Variants in PLEKHA5 observed in about 807,000 individuals in gnomAD.
PLEKHA5 encodes pleckstrin homology domain containing A5.
A neutral mutation model predicts 181.9 loss-of-function variants in PLEKHA5; 55 were observed. That is an observed-to-expected ratio of 0.30 (90% CI 0.24 to 0.38). The LOEUF (loss-of-function observed/expected upper bound fraction) is 0.38. Ranked by LOEUF, PLEKHA5 falls within the 10% of genes least tolerant of loss-of-function variation. The probability of loss-of-function intolerance (pLI) is 1.00; values close to 1 mark genes in which losing one functional copy is unlikely to be tolerated. For missense variants in PLEKHA5, 1,432 were observed against 1,549.5 expected, an observed-to-expected ratio of 0.92 and a Z score of 1.27; for synonymous variants, 535 against 529.4, an observed-to-expected ratio of 1.01 and a Z score of -0.15.
intron 15 of PLEKHA5, among the ~76,000 whole-genome samples, chr12:19,314,583 T>C (rs1235298844): frequency 2.0e-5 from 3 of 152,182 alleles, no homozygotes; most frequent in Non-Finnish European, 4.4e-5. Context: ...GAAGTAAAAC[T>C]AGTTGTGACA....
At chr12:19,358,749 A>T (rs1303054789) in intron 27 of PLEKHA5, among the ~76,000 whole-genome samples, 1 of 152,214 alleles carries the variant, frequency 6.6e-6, no homozygotes, top group African/African-American at 2.4e-5. Flanking sequence ...TTTTCAACAA[A>T]TGTAAAATGC....
At chr12:19,359,082 C>T (rs1288215767) in intron 27 of PLEKHA5, among the ~76,000 whole-genome samples, 1 of 152,202 alleles carries the variant, frequency 6.6e-6, no homozygotes, top group East Asian at 1.9e-4. Flanking sequence ...AAACTGAATG[C>T]ATCAGCTGAA....
At chr12:19,142,452 T>C (rs1013242585) in intron 3 of PLEKHA5, among the ~76,000 whole-genome samples, 2 of 152,096 alleles carry the variant, frequency 1.3e-5, no homozygotes, top group Admixed American at 1.3e-4. Context: ...TGAAAAGAAA[T>C]AACTCCTTGC....
chr12:19,359,372 C>T lies in PLEKHA5; in HGVS notation c.3349-40C>T, dbSNP rs1173890094. On this transcript the variant is annotated intron_variant, in intron 27 of 31. Transcript: ENST00000429027. ...ACTATTTATAAAATATACATGCATG[C>T]ACAGTATGAGTATAAAAATGCTATA... is the stretch of plus-strand genomic sequence containing the variant. The T allele has an allele frequency of 4.4e-6, 7 of 1,573,918 alleles. No individual in the cohort carries two copies. In the Admixed American group the frequency reaches 8.7e-5, roughly 19 times the overall value.
Position 19,254,019 on chromosome 12 carries a change from G to GAAC in PLEKHA5, c.309_311dup (p.Gln104dup). The GAAC allele has an allele frequency of 6.3e-7, 1 of 1,576,570 alleles. No homozygotes were observed. On this transcript the variant is annotated inframe_insertion, in exon 4 of 32. Transcript: ENST00000429027. ...GGACAATTGTATTTTTGTAGTGAAT[G>GAAC]AACAGTAAGTAAAGAGTTTCATGGA...
At chr12:19,134,581 A>G (rs1266623080) in intron 3 of PLEKHA5, among the ~76,000 whole-genome samples, 4 of 152,152 alleles carry the variant, frequency 2.6e-5, no homozygotes, top group Non-Finnish European at 5.9e-5. Context: ...TTTTAAGGTT[A>G]GTTAAATCCC....
chr12:19,324,330 G>T (rs2091600754), intron 20 of PLEKHA5, among the ~76,000 whole-genome samples: 1 of 152,110 alleles, frequency 6.6e-6, no homozygotes, highest in Non-Finnish European at 1.5e-5. Flanking sequence ...TTAAAATACT[G>T]TTATTTCTGT....
intron 16 of PLEKHA5, among the ~76,000 whole-genome samples, chr12:19,318,223 G>C (rs910818477): frequency 4.6e-5 from 7 of 151,680 alleles, no homozygotes; most frequent in Non-Finnish European, 1.0e-4. Flanking sequence ...GATGTCTAAT[G>C]AATATCTTTA....
At chr12:19,353,854 T>C in intron 25 of PLEKHA5, 30 bp from the exon 26 acceptor site, 1 of 987,366 alleles carries the variant, frequency 1.0e-6, no homozygotes, top group Non-Finnish European at 1.6e-6. Context: ...AAAGATGTTT[T>C]GTAAAACTTA....
At position 19,255,049 on chromosome 12, in the gene PLEKHA5, G is replaced by A. The variant is rs200159474; in HGVS notation, c.316G>A (p.Val106Ile). 112 of 1,604,170 alleles carry A rather than the reference G, an allele frequency of 7.0e-5. 2 individuals carry two copies. In the South Asian group the frequency reaches 1.0e-3, roughly 15 times the overall value. The change falls in exon 5 of 32, where the codon GTT becomes ATT. Residue 106 changes from valine (V) to isoleucine (I), a missense_variant. Coordinates refer to ENST00000429027, the MANE Select transcript of PLEKHA5 (RefSeq NM_001256470.2). Reference protein sequence around the residue: ...NCIFVVNEQTVATMTSEEKKE... With the variant: ...NCIFVVNEQTIATMTSEEKKE... ...CATTTTGACATATATTTTCAGGACT[G>A]TTGCAACCATGACATCTGAAGAAAA...
intron 13 of PLEKHA5, among the ~76,000 whole-genome samples, chr12:19,290,196 G>T (rs931171729): frequency 1.1e-4 from 16 of 152,190 alleles, no homozygotes; most frequent in African/African-American, 3.9e-4. Context: ...CTCCCAAAGT[G>T]CTGGGATTAC....
chr12:19,287,582 C>T (rs989711794), intron 13 of PLEKHA5, 26 bp downstream of exon 13: 2 of 1,264,582 alleles, frequency 1.6e-6, no homozygotes, highest in African/African-American at 3.0e-5. Context: ...ATTTACCATA[C>T]CATGTTTTAT....
At chr12:19,233,814 A>T (rs951282957) in intron 3 of PLEKHA5, among the ~76,000 whole-genome samples, 2 of 152,208 alleles carry the variant, frequency 1.3e-5, no homozygotes, top group African/African-American at 2.4e-5. Flanking sequence ...TTAATGAAGC[A>T]TTGTTCTTCA....
At chr12:19,312,176 T>C (rs2086779609) in intron 15 of PLEKHA5, among the ~76,000 whole-genome samples, 1 of 152,236 alleles carries the variant, frequency 6.6e-6, no homozygotes, top group Non-Finnish European at 1.5e-5. Flanking sequence ...TGTAAACAGA[T>C]GTGCTATCAT....
intron 5 of PLEKHA5, among the ~76,000 whole-genome samples, chr12:19,255,771 T>C (rs2066705641): frequency 6.6e-6 from 1 of 151,644 alleles, no homozygotes; most frequent in South Asian, 2.1e-4. Flanking sequence ...CACTAGGTCA[T>C]TGTCTTGAAA....
At chr12:19,151,340 C>G (rs146112262) in intron 3 of PLEKHA5, 1 of 152,158 alleles carries the variant, frequency 6.6e-6, no homozygotes, top group Non-Finnish European at 1.5e-5. Context: ...AAAACAAAGC[C>G]TTGTAGGGTT....
chr12:19,196,406 A>T (rs1451048725), intron 3 of PLEKHA5, among the ~76,000 whole-genome samples: 1 of 152,234 alleles, frequency 6.6e-6, no homozygotes, highest in African/African-American at 2.4e-5. Context: ...AATTTTTCCA[A>T]TAGAGCATTA....
intron 25 of PLEKHA5, among the ~76,000 whole-genome samples, chr12:19,352,572 G>A (rs1262942059): frequency 7.7e-6 from 1 of 130,424 alleles, no homozygotes; most frequent in Non-Finnish European, 1.6e-5. Context: ...GTATGACAAA[G>A]AAGGCTTTTT....
At chr12:19,337,302 C>T (rs2093511191) in intron 21 of PLEKHA5, among the ~76,000 whole-genome samples, 2 of 151,970 alleles carry the variant, frequency 1.3e-5, no homozygotes, top group Admixed American at 6.6e-5. Context: ...CCTATAGTCC[C>T]AGCACTTTCG....
Sources: gnomAD v4.1 joint callset for allele counts (sites outside exome capture counted in the v4.1 genomes callset) on GRCh38, gnomAD v4.1.1 for gene constraint, MANE v1.5 for transcripts, NCBI Gene and HGNC (gene_info 2026-07-23, HGNC 2026-07-21) for gene names.